The following RANBP9 variants were observed in gnomAD, a reference collection of about 807,000 sequenced individuals.
RANBP9 encodes ran-binding protein 9.
RANBP9 carries 15 observed loss-of-function variants against 84.3 expected under a neutral mutation model. The observed-to-expected ratio is 0.18, with a 90% confidence interval of 0.12 to 0.27. The LOEUF is 0.27. RANBP9 is among the 10% of genes least tolerant of loss of function. The pLI is 1.00. For missense variants in RANBP9, 809 were observed against 912.8 expected, an observed-to-expected ratio of 0.89 and a Z score of 1.46; for synonymous variants, 392 against 349.6, an observed-to-expected ratio of 1.12 and a Z score of -1.35.
chr6:13,704,225 G>GT (rs1758043411), intron 1 of RANBP9, among the ~76,000 whole-genome samples: 1 of 152,066 alleles, frequency 6.6e-6, no homozygotes, highest in African/African-American at 2.4e-5. Flanking sequence ...AATCAGCTGC[G>GT]TAATCTGACA....
At chr6:13,663,473 T>C (rs1765579070) in intron 2 of RANBP9, among the ~76,000 whole-genome samples, 1 of 152,178 alleles carries the variant, frequency 6.6e-6, no homozygotes, top group Non-Finnish European at 1.5e-5. Flanking sequence ...TGGTAACATG[T>C]ATTGTGTAGT....
intron 11 of RANBP9, 194 bp from the exon 12 acceptor site, chr6:13,632,715 A>G: frequency 1.8e-6 from 1 of 559,568 alleles, no homozygotes. Flanking sequence ...AGCTCTCAAG[A>G]GTCTAGGATC....
intron 2 of RANBP9, among the ~76,000 whole-genome samples, chr6:13,694,431 T>C (rs978761417): frequency 2.6e-5 from 4 of 152,252 alleles, no homozygotes; most frequent in African/African-American, 7.2e-5. Context: ...TCCATTTATA[T>C]GCCATTCTTG....
intron 2 of RANBP9, among the ~76,000 whole-genome samples, chr6:13,665,958 A>G (rs1038179211): frequency 6.6e-6 from 1 of 152,154 alleles, no homozygotes; most frequent in Non-Finnish European, 1.5e-5. Context: ...GCTGCCTCTG[A>G]AAGGGTGGCT....
At chr6:13,692,496 C>T (rs975493975) in intron 2 of RANBP9, among the ~76,000 whole-genome samples, 9 of 121,692 alleles carry the variant, frequency 7.4e-5, no homozygotes, top group Admixed American at 3.5e-4. Context: ...CATCGCACTC[C>T]AGCCTGGGCA....
chr6:13,622,004 C>T lies in RANBP9; in HGVS notation c.*358G>A. 6.3e-6 allele frequency: 1 copy of T among 158,392 alleles called. No individual in the cohort carries two copies. The highest frequency in any genetic ancestry group is 1.4e-5 in the Non-Finnish European group (1 of 72,044). The allele number at this position is 158,392 out of a possible 1,614,324, so 9.8% of individuals were successfully genotyped here. ...AGTTTACATCACCCACATGCTAACA[C>T]AAACACAACTTGTTCCATTTCCTTC... On this transcript the variant is annotated 3_prime_UTR_variant, in exon 14 of 14. Transcript: ENST00000011619.
chr6:13,695,884 C>G (rs2113356101), intron 2 of RANBP9, among the ~76,000 whole-genome samples: 1 of 152,182 alleles, frequency 6.6e-6, no homozygotes, highest in South Asian at 2.1e-4. Context: ...CACAGGAGGA[C>G]CACTAAGAGG....
At chr6:13,694,389 T>C (rs996137314) in intron 2 of RANBP9, among the ~76,000 whole-genome samples, 3 of 152,230 alleles carry the variant, frequency 2.0e-5, no homozygotes, top group African/African-American at 4.8e-5. Context: ...AAGTGAAAGA[T>C]ACCAGACTTA....
rs1279112471 is a variant in RANBP9 at position 13,696,836 on chromosome 6, G to C, written c.632C>G (p.Ala211Gly). Residue 211 changes from alanine to glycine, a missense_variant, in exon 2 of 14, where the codon GCC (alanine) becomes GGC (glycine). Ala to Gly is a moderately conservative substitution (Grantham distance 60). This residue lies in a region of RANBP9 where 56 missense variants were observed against 88.2 expected (regional missense o/e 0.63). Transcript: ENST00000011619. The part of the protein sequence containing the change: ...SVRATHPIPA[A>G]CGIYYFEVKI... Reference sequence around the variant, plus strand: ...TACTTCAAAATAATAAATCCCACAGGCTGCTGGTATTGGATGCGTGGCTCG... The same window carrying C: ...TACTTCAAAATAATAAATCCCACAGCCTGCTGGTATTGGATGCGTGGCTCG... 1.2e-6 allele frequency: 2 copies of C among 1,612,904 alleles called. No individual in the cohort carries two copies. The highest frequency in any genetic ancestry group is 2.2e-5 in the East Asian group (1 of 44,830).
chr6:13,643,425 C>A lies in RANBP9; in HGVS notation c.1113-834G>T, dbSNP rs545847656. Among the ~76,000 whole-genome samples, 4 of 152,202 alleles carry A rather than the reference C, an allele frequency of 2.6e-5. No individual in the cohort carries two copies. The South Asian group carries it at 8.3e-4, about 32-fold the overall frequency. On this transcript the variant is annotated intron_variant, in intron 6 of 13. Transcript: ENST00000011619. The stretch of plus-strand genomic sequence containing the variant: ...CACTACTAAGGGCCAGTTAGAAAAT[C>A]GTGGGAAGCAGTGGTTCACCACAGG...
chr6:13,648,847 T>C (rs1452909114), intron 5 of RANBP9, among the ~76,000 whole-genome samples: 43 of 152,222 alleles, frequency 2.8e-4, no homozygotes, highest in Non-Finnish European at 1.0e-4. Flanking sequence ...CAGCCTTCAA[T>C]GTTTTTTAGT....
At chr6:13,648,440 C>G (rs1765222697) in intron 5 of RANBP9, among the ~76,000 whole-genome samples, 3 of 152,028 alleles carry the variant, frequency 2.0e-5, no homozygotes, top group Admixed American at 1.3e-4. Context: ...ACCCAGATGG[C>G]TGGCTTCTTT....
At chr6:13,702,483 C>T (rs183590131) in intron 1 of RANBP9, among the ~76,000 whole-genome samples, 28 of 152,242 alleles carry the variant, frequency 1.8e-4, no homozygotes, top group Admixed American at 7.2e-4. Context: ...TCCTGGAACA[C>T]CATACCTTGG....
chr6:13,672,343 A>G (rs1288407786), intron 2 of RANBP9, among the ~76,000 whole-genome samples: 1 of 152,192 alleles, frequency 6.6e-6, no homozygotes, highest in Non-Finnish European at 1.5e-5. Context: ...TCATATGATT[A>G]TAGAACACTT....
At chr6:13,666,141 A>C (rs546623075) in intron 2 of RANBP9, among the ~76,000 whole-genome samples, 49 of 152,204 alleles carry the variant, frequency 3.2e-4, no homozygotes, top group African/African-American at 8.7e-4. Context: ...CACACACACA[A>C]AAAGAGAAGT....
chr6:13,664,740 CA>C (rs1301573430), intron 2 of RANBP9, among the ~76,000 whole-genome samples: 4 of 152,058 alleles, frequency 2.6e-5, no homozygotes, highest in Non-Finnish European at 5.9e-5. Context: ...AAAACATGGA[CA>C]CCTATTATGC....
chr6:13,667,909 AAAAG>A (rs1375263959), intron 2 of RANBP9, among the ~76,000 whole-genome samples: 4 of 152,170 alleles, frequency 2.6e-5, no homozygotes, highest in Non-Finnish European at 4.4e-5. Context: ...AATTAAATAA[AAAAG>A]AAAGATCTCT....
chr6:13,637,047 G>C (rs1198584288), intron 10 of RANBP9, among the ~76,000 whole-genome samples: 2 of 152,090 alleles, frequency 1.3e-5, no homozygotes, highest in Non-Finnish European at 2.9e-5. Context: ...TGGATGATTT[G>C]GGCAGGGTGA....
intron 5 of RANBP9, among the ~76,000 whole-genome samples, chr6:13,647,198 T>G (rs1189959714): frequency 2.0e-5 from 3 of 152,186 alleles, no homozygotes; most frequent in Non-Finnish European, 2.9e-5. Flanking sequence ...AGATATGTCT[T>G]GTAGCATTAT....
Sources: gnomAD v4.1 joint callset for allele counts (sites outside exome capture counted in the v4.1 genomes callset) on GRCh38, gnomAD v4.1.1 for gene constraint, gnomAD v4.1.1 regional missense constraint, MANE v1.5 for transcripts, NCBI Gene and HGNC (gene_info 2026-07-23, HGNC 2026-07-21) for gene names.